CEP120: variants seen among roughly 807,000 people sequenced by gnomAD.
CEP120 encodes the protein centrosomal protein 120, also known as centrosomal protein of 120 kDa.
A neutral mutation model predicts 126.5 loss-of-function variants in CEP120; 113 were observed. The observed-to-expected ratio is 0.89, with a 90% confidence interval of 0.77 to 1.04. The LOEUF (loss-of-function observed/expected upper bound fraction) is 1.04, where lower values mean the gene tolerates loss of function less well. Among genes scored for constraint, CEP120 ranks in the 50% least tolerant of loss-of-function variants. The probability of loss-of-function intolerance (pLI) is 0.00; values close to 1 mark genes in which losing one functional copy is unlikely to be tolerated. For synonymous variants in CEP120, 400 were observed against 394.3 expected, an observed-to-expected ratio of 1.01 and a Z score of -0.17; for missense variants, 1,230 against 1,155.7, an observed-to-expected ratio of 1.06 and a Z score of -0.93.
chr5:123,376,945 G>A (rs1771269161), intron 16 of CEP120, among the ~76,000 whole-genome samples: 3 of 152,108 alleles, frequency 2.0e-5, no homozygotes, highest in Admixed American at 2.0e-4. Context: ...AGGGAGAGTG[G>A]TGATGTGGAA....
chr5:123,417,182 T>A (rs538020578), intron 2 of CEP120, among the ~76,000 whole-genome samples: 1 of 152,340 alleles, frequency 6.6e-6, no homozygotes, highest in South Asian at 2.1e-4. Flanking sequence ...GACTCCATTA[T>A]AGACACCACT....
At chr5:123,399,400 T>A (rs996576554) in intron 4 of CEP120, 116 bp from the exon 5 acceptor site, 1 of 923,298 alleles carries the variant, frequency 1.1e-6, no homozygotes, top group Non-Finnish European at 1.6e-6. Flanking sequence ...ATACAGTTAA[T>A]ATCTAATAAG....
At chr5:123,418,185 T>C (rs1774494327) in intron 2 of CEP120, among the ~76,000 whole-genome samples, 174 bp downstream of exon 2, 1 of 151,408 alleles carries the variant, frequency 6.6e-6, no homozygotes, top group Non-Finnish European at 1.5e-5. Flanking sequence ...GTAAAACAAA[T>C]AAATTTCATG....
intron 18 of CEP120, among the ~76,000 whole-genome samples, chr5:123,363,441 T>G (rs1323397694): frequency 6.6e-6 from 1 of 151,658 alleles, no homozygotes; most frequent in Non-Finnish European, 1.5e-5. Flanking sequence ...TAATATTATT[T>G]TATACTTATT....
chr5:123,369,074 A>G (rs1479388811), intron 17 of CEP120, among the ~76,000 whole-genome samples: 1 of 151,898 alleles, frequency 6.6e-6, no homozygotes, highest in Non-Finnish European at 1.5e-5. Flanking sequence ...AGGCAGTTGA[A>G]TATATGGGTC....
At chr5:123,366,526 T>C (rs486812) in intron 17 of CEP120, among the ~76,000 whole-genome samples, 1 of 151,872 alleles carries the variant, frequency 6.6e-6, no homozygotes, top group East Asian at 1.9e-4. Flanking sequence ...AGTTCTTTAC[T>C]AGAAGTATGG....
At chr5:123,401,525 C>T (rs1376342817) in intron 4 of CEP120, 18 of 1,283,978 alleles carry the variant, frequency 1.4e-5, no homozygotes, top group South Asian at 5.9e-5. Flanking sequence ...GGCCTGGCTG[C>T]GGTTGGCGAT....
chr5:123,374,821 A>C (rs1771093188), intron 16 of CEP120, among the ~76,000 whole-genome samples: 1 of 152,140 alleles, frequency 6.6e-6, no homozygotes, highest in African/African-American at 2.4e-5. Flanking sequence ...TAAATTTGGT[A>C]GTTTCTTCAC....
chr5:123,414,786 G>A (rs999459638), intron 3 of CEP120, among the ~76,000 whole-genome samples: 1 of 151,554 alleles, frequency 6.6e-6, no homozygotes, highest in Admixed American at 6.6e-5. Flanking sequence ...CTAACACGGT[G>A]AAACCCCGTC....
At chr5:123,384,361 A>T (rs181152696) in intron 11 of CEP120, among the ~76,000 whole-genome samples, 103 of 152,180 alleles carry the variant, frequency 6.8e-4, no homozygotes, top group African/African-American at 2.3e-3. Context: ...TAAATTTTAA[A>T]TTTTTATTGT....
At chr5:123,423,815 C>G (rs915649982), upstream of CEP120, among the ~76,000 whole-genome samples, 6 of 152,050 alleles carry the variant, frequency 3.9e-5, no homozygotes, top group Non-Finnish European at 7.4e-5. Context: ...CACGCGGCAC[C>G]TCAAATTTCC....
At chr5:123,355,494 A>G (rs970305363) in intron 18 of CEP120, among the ~76,000 whole-genome samples, 342 of 152,242 alleles carry the variant, frequency 2.2e-3, no homozygotes, top group African/African-American at 7.8e-3. Context: ...GGTGTGAGAT[A>G]GTATCTCATT....
chr5:123,356,588 T>C (rs571098233), intron 18 of CEP120, among the ~76,000 whole-genome samples: 1 of 148,228 alleles, frequency 6.7e-6, no homozygotes, highest in East Asian at 2.0e-4. Flanking sequence ...TTATGTTCCT[T>C]CTTCTCTCTC....
intron 1 of CEP120, among the ~76,000 whole-genome samples, chr5:123,421,694 AGAC>A (rs770845784): frequency 6.6e-5 from 10 of 151,536 alleles, no homozygotes; most frequent in Non-Finnish European, 1.3e-4. Context: ...CCACGTGGAC[AGAC>A]CTCTACATCC....
Position 123,377,407 on chromosome 5 carries a change from C to G in CEP120, c.2325G>C (p.Gln775His). The change falls in exon 16 of 20, where the codon CAG (glutamine) becomes CAC (histidine). Residue 775 changes from glutamine (Q) to histidine (H), a missense_variant. Physicochemically the swap from Gln to His is conservative, Grantham distance 24. Coordinates refer to ENST00000306467, the MANE Select transcript of CEP120 (RefSeq NM_001375405.1). ...GAAGGCGGTGTTTATCCTCTTCGAG[C>G]TGTTTGATTTTTAACCTTTCTAGTT... ...QVELERLKIK[Q>H]LEEDKHRLQQ... is the part of the protein sequence containing the mutation. 1 of 1,610,862 alleles carries G rather than the reference C, an allele frequency of 6.2e-7. No individual in the cohort carries two copies.
At chr5:123,405,600 C>A (rs576053303) in intron 4 of CEP120, among the ~76,000 whole-genome samples, 84 of 152,280 alleles carry the variant, frequency 5.5e-4, no homozygotes, top group Middle Eastern at 3.4e-3. Context: ...TCCAGACACT[C>A]TGCCCCATCT....
At chr5:123,350,203 C>T (rs1054753539) in intron 18 of CEP120, 114 bp from the exon 19 acceptor site, 18 of 887,826 alleles carry the variant, frequency 2.0e-5, no homozygotes, top group Non-Finnish European at 2.3e-5. Context: ...TAGCCACACA[C>T]TGCCAATTCT....
chr5:123,388,597 G>C lies in CEP120; in HGVS notation c.1265C>G (p.Ser422Cys). ...TAGCTGGGCCAGTGAAGCAGGTACA[G>C]AAGAACTGGCTGAAATGAACATAAA... ...DTKPNPKASS[S>C]VPASLAQLVT... Residue 422 changes from serine (S) to cysteine (C), a missense_variant, in exon 9 of 20, where the codon TCT (serine) becomes TGT (cysteine). Coordinates refer to ENST00000306467, the MANE Select transcript of CEP120 (RefSeq NM_001375405.1). The C allele has an allele frequency of 6.4e-7, 1 of 1,572,080 alleles. No homozygotes were observed. Among genetic ancestry groups the C allele is most frequent in the Non-Finnish European group, 8.6e-7 (1 of 1,164,386 alleles).
At chr5:123,351,083 A>C (rs2126968331) in intron 18 of CEP120, among the ~76,000 whole-genome samples, 1 of 152,274 alleles carries the variant, frequency 6.6e-6, no homozygotes, top group Non-Finnish European at 1.5e-5. Flanking sequence ...TAACAAACAG[A>C]AAACTGCCAA....
Sources: allele counts gnomAD v4.1 joint callset (sites outside exome capture counted in the v4.1 genomes callset), GRCh38; gene constraint gnomAD v4.1.1; transcripts MANE v1.5; gene names NCBI Gene and HGNC (gene_info 2026-07-23, HGNC 2026-07-21).